Variants in PPP3CC observed in about 807,000 individuals in gnomAD.
The protein encoded by PPP3CC is protein phosphatase 3 catalytic subunit gamma.
In PPP3CC, 35 loss-of-function variants were observed where a neutral mutation model predicts 60.3. The ratio of observed to expected loss-of-function variants is 0.58; its 90% confidence interval spans 0.44 to 0.77. The LOEUF is 0.77. Among genes scored for constraint, PPP3CC ranks in the 30% least tolerant of loss-of-function variants. The pLI is 0.00. For missense variants in PPP3CC, 570 were observed against 628.9 expected (o/e 0.91, Z 1.00); for synonymous variants, 206 against 224.3 (o/e 0.92, Z 0.73).
chr8:22,524,673 CACTT>C (rs1404255344), intron 8 of PPP3CC, among the ~76,000 whole-genome samples: 1 of 152,186 alleles, frequency 6.6e-6, no homozygotes, highest in Non-Finnish European at 1.5e-5. Context: ...GTTTCTTTCT[CACTT>C]TCTTTTTTAA....
chr8:22,518,114 A>T (rs965431847), intron 6 of PPP3CC, among the ~76,000 whole-genome samples: 2 of 151,456 alleles, frequency 1.3e-5, no homozygotes, highest in Non-Finnish European at 2.9e-5. Context: ...CCCAGGCTCA[A>T]TGCAGTGGCA....
At chr8:22,486,111 TC>T (rs1223271971) in intron 3 of PPP3CC, among the ~76,000 whole-genome samples, 2 of 152,198 alleles carry the variant, frequency 1.3e-5, no homozygotes, top group Admixed American at 1.3e-4. Flanking sequence ...GTTCATATGA[TC>T]AACTTTCACA....
intron 6 of PPP3CC, among the ~76,000 whole-genome samples, chr8:22,515,222 A>C (rs563145189): frequency 1.3e-5 from 2 of 152,256 alleles, no homozygotes; most frequent in African/African-American, 2.4e-5. Context: ...GAACGTGTGA[A>C]GTTTGTCTTC....
At chr8:22,511,866 C>T (rs1329139248) in intron 5 of PPP3CC, among the ~76,000 whole-genome samples, 1 of 152,140 alleles carries the variant, frequency 6.6e-6, no homozygotes, top group Non-Finnish European at 1.5e-5. Flanking sequence ...TAACCTTAAC[C>T]AAGTTATTGA....
chr8:22,487,468 A>G (rs112787001), intron 3 of PPP3CC, among the ~76,000 whole-genome samples: 3,019 of 152,156 alleles, frequency 0.02, 63 homozygotes, highest in East Asian at 0.083. Flanking sequence ...TACTAAAAAT[A>G]CAACAAATTA....
intron 1 of PPP3CC, among the ~76,000 whole-genome samples, chr8:22,448,286 G>C (rs7843761): frequency 0.18 from 27,694 of 151,754 alleles, 4,795 homozygotes; most frequent in African/African-American, 0.46. Context: ...GTCAAGCCTG[G>C]ATTAAGAAAA....
chr8:22,532,259 TA>T lies in PPP3CC; in HGVS notation c.1178del (p.Lys393ArgfsTer23). On this transcript the variant is annotated frameshift_variant, in exon 11 of 14. Transcript: ENST00000240139. LOFTEE classifies it high-confidence loss of function. ...TTVRKEIIRN[K>X]IRAIGKMARV... ...CAGTTCGTAAGGAGATCATCAGGAA[TA>T]AGATCAGAGCCATTGGGAAGATGGC... The T allele has an allele frequency of 6.2e-7, 1 of 1,613,278 alleles. No homozygotes were observed. The highest frequency in any genetic ancestry group is 8.5e-7 in the Non-Finnish European group (1 of 1,179,190).
intron 3 of PPP3CC, among the ~76,000 whole-genome samples, chr8:22,495,962 A>C (rs979686227): frequency 6.6e-6 from 1 of 152,128 alleles, no homozygotes; most frequent in African/African-American, 2.4e-5. Flanking sequence ...ATTTTCACCT[A>C]CACCAGGCTT....
At chr8:22,468,055 C>T (rs144647763) in intron 1 of PPP3CC, among the ~76,000 whole-genome samples, 19 of 152,292 alleles carry the variant, frequency 1.2e-4, no homozygotes, top group African/African-American at 4.6e-4. Context: ...TTGGAACATT[C>T]AAATCATAGC....
intron 1 of PPP3CC, among the ~76,000 whole-genome samples, chr8:22,447,236 G>A (rs1268025933): frequency 1.4e-5 from 2 of 143,420 alleles, no homozygotes; most frequent in Non-Finnish European, 3.0e-5. Context: ...CTGGAGTGCA[G>A]TGGCGCAATC....
At chr8:22,472,638 T>C (rs980030950) in intron 1 of PPP3CC, among the ~76,000 whole-genome samples, 1 of 152,182 alleles carries the variant, frequency 6.6e-6, no homozygotes, top group Non-Finnish European at 1.5e-5. Context: ...ATTTCTATTT[T>C]TCATTGTAGA....
chr8:22,441,253 C>G lies in PPP3CC; in HGVS notation c.-157C>G. 3.3e-6 allele frequency: 2 copies of G among 607,048 alleles called. No individual in the cohort carries two copies. Among genetic ancestry groups the G allele is most frequent in the Non-Finnish European group, 5.2e-6 (2 of 386,140 alleles). The allele number at this position is 607,048 out of a possible 1,614,324, so 37.6% of individuals were successfully genotyped here. The stretch of plus-strand genomic sequence containing the variant: ...CGTCGGAGGCCGGCGCTGCGGTGGC[C>G]GCGCCCTTCTGGTGCTCGGACACCG... On this transcript the variant is annotated 5_prime_UTR_variant, in exon 1 of 14. Transcript: ENST00000240139.
At chr8:22,521,030 A>C (rs1053398364) in intron 6 of PPP3CC, among the ~76,000 whole-genome samples, 6 of 152,098 alleles carry the variant, frequency 3.9e-5, no homozygotes, top group African/African-American at 1.4e-4. Flanking sequence ...AAGCTAGATT[A>C]TGGGGCTACA....
chr8:22,485,139 A>G (rs1341463474), intron 3 of PPP3CC, among the ~76,000 whole-genome samples: 1 of 152,208 alleles, frequency 6.6e-6, no homozygotes, highest in Non-Finnish European at 1.5e-5. Flanking sequence ...ATATCTTGGC[A>G]TGCCTTTGAA....
intron 10 of PPP3CC, among the ~76,000 whole-genome samples, chr8:22,529,136 G>T (rs1033114197): frequency 6.6e-6 from 1 of 152,020 alleles, no homozygotes; most frequent in African/African-American, 2.4e-5. Context: ...AAATATGTCA[G>T]ATGAAAGGAA....
intron 3 of PPP3CC, among the ~76,000 whole-genome samples, chr8:22,490,712 T>G (rs1454203330): frequency 1.3e-5 from 2 of 151,478 alleles, no homozygotes; most frequent in Non-Finnish European, 2.9e-5. Flanking sequence ...GGTTGGTTTT[T>G]TTGTCCTTGC....
intron 5 of PPP3CC, among the ~76,000 whole-genome samples, chr8:22,511,452 TAG>T (rs1448958150): frequency 6.6e-6 from 1 of 152,080 alleles, no homozygotes; most frequent in Non-Finnish European, 1.5e-5. Context: ...GTATTTTTAG[TAG>T]AGACGGGGTT....
intron 1 of PPP3CC, among the ~76,000 whole-genome samples, chr8:22,446,283 C>G (rs781019815): frequency 2.6e-5 from 4 of 152,058 alleles, no homozygotes; most frequent in African/African-American, 9.7e-5. Flanking sequence ...CACTGGTTTC[C>G]ATCCCTAAAT....
At chr8:22,501,236 C>T (rs954577364) in intron 4 of PPP3CC, among the ~76,000 whole-genome samples, 5 of 152,218 alleles carry the variant, frequency 3.3e-5, no homozygotes, top group Non-Finnish European at 4.4e-5. Flanking sequence ...ATTTTAAGTG[C>T]ATGTCCCCTT....
Sources: gnomAD v4.1 joint callset for allele counts (sites outside exome capture counted in the v4.1 genomes callset) on GRCh38, gnomAD v4.1.1 for gene constraint, MANE v1.5 for transcripts, NCBI Gene and HGNC (gene_info 2026-07-23, HGNC 2026-07-21) for gene names.